EPM2A: variants seen among roughly 807,000 people sequenced by gnomAD.
EPM2A encodes laforin.
EPM2A carries 21 observed loss-of-function variants against 26.5 expected under a neutral mutation model. The ratio of observed to expected loss-of-function variants is 0.79; its 90% confidence interval spans 0.56 to 1.14. EPM2A has a LOEUF of 1.14. Ranked by LOEUF, EPM2A falls within the 50% of genes most tolerant of loss-of-function variation. The pLI, the probability that EPM2A is intolerant of heterozygous loss-of-function variation, is 0.00. For missense variants in EPM2A, 458 were observed against 440.8 expected, an observed-to-expected ratio of 1.04 and a Z score of -0.35; for synonymous variants, 217 against 177.6, an observed-to-expected ratio of 1.22 and a Z score of -1.76.
intron 2 of EPM2A, chr6:145,636,170 A>G (rs891682006): frequency 2.6e-5 from 4 of 152,414 alleles, no homozygotes; most frequent in African/African-American, 9.6e-5. Flanking sequence ...AATTTTAATA[A>G]CCCTTTAGAC....
intron 2 of EPM2A, among the ~76,000 whole-genome samples, chr6:145,538,219 C>A (rs1018088162): frequency 6.6e-6 from 1 of 151,920 alleles, no homozygotes; most frequent in Admixed American, 6.6e-5. Flanking sequence ...ATGCTCCCAC[C>A]AACAGTGTAA....
chr6:145,393,443 A>G (rs1214854052), intron 4 of EPM2A, among the ~76,000 whole-genome samples: 1 of 152,078 alleles, frequency 6.6e-6, no homozygotes, highest in East Asian at 1.9e-4. Flanking sequence ...AAAAAAAAAA[A>G]TCCTGATCAT....
intron 2 of EPM2A, among the ~76,000 whole-genome samples, chr6:145,534,444 A>C (rs983435358): frequency 6.6e-5 from 10 of 152,244 alleles, no homozygotes; most frequent in Non-Finnish European, 1.0e-4. Flanking sequence ...TAGCAACTTA[A>C]AGGAGGGGGA....
chr6:145,526,790 G>A (rs1780280268), intron 2 of EPM2A, among the ~76,000 whole-genome samples: 1 of 151,718 alleles, frequency 6.6e-6, no homozygotes, highest in African/African-American at 2.4e-5. Context: ...ATTCAGTTTT[G>A]CCTGATTTTA....
chr6:145,652,393 C>T (rs1379737567), intron 2 of EPM2A, among the ~76,000 whole-genome samples: 2 of 151,996 alleles, frequency 1.3e-5, no homozygotes, highest in Non-Finnish European at 2.9e-5. Context: ...AATGCTGCAA[C>T]AAGTAATTTG....
intron 4 of EPM2A, chr6:145,490,747 T>A (rs1779743702): frequency 3.6e-6 from 2 of 559,564 alleles, no homozygotes. Flanking sequence ...GTCCTTCACA[T>A]GTGAAGGTTG....
chr6:145,599,147 C>T (rs997820586), intron 2 of EPM2A, among the ~76,000 whole-genome samples: 3 of 152,146 alleles, frequency 2.0e-5, no homozygotes, highest in East Asian at 3.9e-4. Flanking sequence ...CTGTGAAGTA[C>T]GTCATTGGTA....
At chr6:145,587,211 T>C (rs968842556) in intron 2 of EPM2A, among the ~76,000 whole-genome samples, 4 of 152,152 alleles carry the variant, frequency 2.6e-5, no homozygotes, top group African/African-American at 9.7e-5. Context: ...AACAGGCAAA[T>C]TGGAGATGCC....
In EPM2A at chr6:145,558,492, G is replaced by C. The variant is rs1780761198; in HGVS notation, c.341-55917C>G. Among the ~76,000 whole-genome samples the C allele has an allele frequency of 2.6e-5, 4 of 151,928 alleles. No individual in the cohort carries two copies. In the South Asian group the frequency reaches 8.3e-4, roughly 32 times the overall value. ...ATGGTAGTTCTATTTTTAATTTTTTGAGGAAGCTCCATACTGTTTTACATA... is the reference window on the plus strand; with the variant it reads ...ATGGTAGTTCTATTTTTAATTTTTTCAGGAAGCTCCATACTGTTTTACATA... On this transcript the variant is annotated intron_variant, in intron 2 of 3. Transcript: ENST00000450221.
In EPM2A at chr6:145,635,500, A is replaced by G. The variant is rs914299630; in HGVS notation, c.477-14T>C. The G allele has an allele frequency of 1.9e-6, 3 of 1,613,662 alleles. No homozygotes were observed. The highest frequency in any genetic ancestry group is 1.3e-5 in the African/African-American group (1 of 74,940). On this transcript the variant is annotated splice_polypyrimidine_tract_variant and intron_variant, in intron 2 of 3. Transcript: ENST00000367519. ...TTTGGTAGAATTCTAATGAGAACAT[A>G]TGGAGACAACTATCACTAGTGTTGT...
rs1235257165 is a variant in EPM2A at position 145,490,411 on chromosome 6, T to C, written c.555+12111A>G. 3 of 793,376 alleles carry C rather than the reference T, an allele frequency of 3.8e-6. No homozygotes were observed. The Admixed American group carries it at 5.9e-5, about 16-fold the overall frequency. The allele number at this position is 793,376 out of a possible 1,614,324, so 49.1% of individuals were successfully genotyped here. On this transcript the variant is annotated intron_variant, in intron 4 of 4. Coordinates refer to the EPM2A transcript ENST00000638717. ...AGTGAGGTGACATTTGAGGGTGCTA[T>C]TTCTAGCAAATCTTTCATGACAATT...
rs146081828 is a variant in EPM2A at position 145,560,739 on chromosome 6, T to C, written c.341-58164A>G. Among the ~76,000 whole-genome samples the C allele has an allele frequency of 1.1e-3, 161 of 152,308 alleles. No homozygotes were observed. The Middle Eastern group carries it at 0.014, about 13-fold the overall frequency. ...ATGAGTATATGAGGTGCTTATCTGC[T>C]TAATGAATAAAGGGATGTCAGGTAT... On this transcript the variant is annotated intron_variant, in intron 2 of 3. Transcript: ENST00000450221.
intron 4 of EPM2A, among the ~76,000 whole-genome samples, chr6:145,438,399 A>C (rs1181650990): frequency 9.9e-5 from 15 of 152,082 alleles, no homozygotes; most frequent in Admixed American, 9.8e-4. Context: ...GGCTGCACAC[A>C]AAGGTAGGTC....
chr6:145,489,076 TG>T (rs1189202430), intron 4 of EPM2A, among the ~76,000 whole-genome samples: 1 of 152,160 alleles, frequency 6.6e-6, no homozygotes, highest in Non-Finnish European at 1.5e-5. Context: ...CTCGAAATTT[TG>T]CCACCACCCC....
intron 4 of EPM2A, among the ~76,000 whole-genome samples, chr6:145,454,594 A>G (rs952356355): frequency 3.3e-5 from 5 of 152,204 alleles, no homozygotes; most frequent in African/African-American, 1.2e-4. Flanking sequence ...TTGCTATGCA[A>G]AGGGGATACT....
chr6:145,606,119 C>A (rs535656411), intron 2 of EPM2A, among the ~76,000 whole-genome samples: 1 of 151,626 alleles, frequency 6.6e-6, no homozygotes, highest in South Asian at 2.1e-4. Context: ...ACAATGAAAA[C>A]GAAATTTATA....
intron 4 of EPM2A, among the ~76,000 whole-genome samples, chr6:145,398,168 A>G (rs1778431681): frequency 6.6e-6 from 1 of 152,178 alleles, no homozygotes; most frequent in South Asian, 2.1e-4. Flanking sequence ...ACACCTATAG[A>G]TAATTAAAAT....
At chr6:145,662,743 T>C (rs998242443) in intron 2 of EPM2A, among the ~76,000 whole-genome samples, 11 of 152,144 alleles carry the variant, frequency 7.2e-5, no homozygotes, top group Non-Finnish European at 1.5e-4. Flanking sequence ...CAGTTGAGGA[T>C]AATGGAAAAT....
intron 4 of EPM2A, among the ~76,000 whole-genome samples, chr6:145,486,113 T>G (rs759633155): frequency 6.6e-6 from 1 of 152,178 alleles, no homozygotes; most frequent in Non-Finnish European, 1.5e-5. Flanking sequence ...CATCTACTAG[T>G]ATGTAGACCA....
Sources: gnomAD v4.1 joint callset for allele counts (sites outside exome capture counted in the v4.1 genomes callset) on GRCh38, gnomAD v4.1.1 for gene constraint, MANE v1.5 for transcripts, NCBI Gene and HGNC (gene_info 2026-07-23, HGNC 2026-07-21) for gene names.